ZBTB40: variants seen among roughly 807,000 people sequenced by gnomAD.
The protein encoded by ZBTB40 is zinc finger and BTB domain-containing protein 40.
ZBTB40 carries 60 observed loss-of-function variants against 117.5 expected under a neutral mutation model. The observed-to-expected ratio is 0.51, with a 90% CI of 0.41 to 0.63. The LOEUF (loss-of-function observed/expected upper bound fraction) is 0.63. Ranked by LOEUF, ZBTB40 falls within the 30% of genes least tolerant of loss-of-function variation. ZBTB40 has a pLI of 0.00. For missense variants in ZBTB40, 1,287 were observed against 1,498.5 expected (o/e 0.86, Z 2.33); for synonymous variants, 525 against 577.1 (o/e 0.91, Z 1.29).
At chr1:22,456,379 C>T (rs772619384) in intron 1 of ZBTB40, among the ~76,000 whole-genome samples, 14 of 152,122 alleles carry the variant, frequency 9.2e-5, no homozygotes, top group Non-Finnish European at 1.6e-4. Context: ...ATTTCATTTC[C>T]TTACATAAAT....
intron 3 of ZBTB40, among the ~76,000 whole-genome samples, chr1:22,493,422 G>A (rs1470687092): frequency 6.6e-6 from 1 of 152,014 alleles, no homozygotes; most frequent in Admixed American, 6.5e-5. Context: ...TTTGTACTTC[G>A]GCCTCTACTT....
chr1:22,490,323 G>A lies in ZBTB40; in HGVS notation c.375G>A (p.Val125=), dbSNP rs1278289555. Residue 125 remains valine (V), a synonymous_variant, in exon 2 of 18, where the codon GTG becomes GTA. Transcript: ENST00000375647. ...SLVNCSVQGQ[V]VRDVSAPSSE... ...TAAACTGCTCGGTTCAGGGTCAGGT[G>A]GTAAGGGATGTCTCTGCGCCATCCT... 3.3e-5 allele frequency: 54 copies of A among 1,614,054 alleles called. No individual in the cohort carries two copies. Among genetic ancestry groups the A allele is most frequent in the Non-Finnish European group, 4.3e-5 (51 of 1,180,056 alleles).
intron 1 of ZBTB40, among the ~76,000 whole-genome samples, chr1:22,476,971 A>G (rs1194481925): frequency 6.6e-6 from 1 of 152,210 alleles, no homozygotes; most frequent in Non-Finnish European, 1.5e-5. Flanking sequence ...ATCTAGTGCT[A>G]TATTCTGTCT....
At chr1:22,493,656 T>C (rs1266028524) in intron 3 of ZBTB40, among the ~76,000 whole-genome samples, 12 of 152,188 alleles carry the variant, frequency 7.9e-5, no homozygotes, top group Admixed American at 7.2e-4. Context: ...CACTTACCCA[T>C]GCCCTGGGTA....
intron 3 of ZBTB40, among the ~76,000 whole-genome samples, chr1:22,498,450 C>A (rs1297400864): frequency 6.6e-6 from 1 of 152,214 alleles, no homozygotes; most frequent in Admixed American, 6.5e-5. Flanking sequence ...GTAGTGTTGG[C>A]ACTGGTGTAG....
Position 22,520,919 on chromosome 1 carries a change from G to A in ZBTB40, c.3049-577G>A, listed in dbSNP as rs572339639. On this transcript the variant is annotated intron_variant, in intron 14 of 17. Transcript: ENST00000375647. ...TGTTGTGACATTAGCGTTCCAGAACGGAGACCTGGGCTTGAGCCCTAGGAT... is the reference window on the plus strand; with the variant it reads ...TGTTGTGACATTAGCGTTCCAGAACAGAGACCTGGGCTTGAGCCCTAGGAT... 2.0e-5 allele frequency among the ~76,000 whole-genome samples: 3 copies of A among 152,318 alleles called. No individual in the cohort carries two copies. In the South Asian group the frequency reaches 6.2e-4, roughly 32 times the overall value.
At chr1:22,502,736 T>G (rs1293824334) in intron 5 of ZBTB40, among the ~76,000 whole-genome samples, 1 of 152,154 alleles carries the variant, frequency 6.6e-6, no homozygotes, top group Non-Finnish European at 1.5e-5. Context: ...GACGGACGGA[T>G]GGACCGATGG....
chr1:22,492,544 T>A (rs1293796106), intron 3 of ZBTB40, among the ~76,000 whole-genome samples: 4 of 152,222 alleles, frequency 2.6e-5, no homozygotes, highest in Non-Finnish European at 5.9e-5. Context: ...GCTCCTCTGA[T>A]TGGTAGGGGG....
intron 15 of ZBTB40, 59 bp downstream of exon 15, chr1:22,521,717 G>T: frequency 6.2e-7 from 1 of 1,609,484 alleles, no homozygotes; most frequent in South Asian, 1.1e-5. Flanking sequence ...AGCCTCCTGG[G>T]CCCCACCAGA....
At chr1:22,432,024 T>TAG (rs1459589062) in intron 1 of ZBTB40, among the ~76,000 whole-genome samples, 84 of 152,302 alleles carry the variant, frequency 5.5e-4, no homozygotes, top group African/African-American at 1.9e-3. Flanking sequence ...TATTCTTGCA[T>TAG]AGTTCTGGAG....
At position 22,511,910 on chromosome 1, in the gene ZBTB40, A is replaced by G; in HGVS notation, c.2237A>G (p.His746Arg). The G allele has an allele frequency of 3.7e-6, 6 of 1,614,226 alleles. No homozygotes were observed. The highest frequency in any genetic ancestry group is 2.2e-5 in the East Asian group (1 of 44,878). ...FICKACDKSFHFYCRLKVHMK... is the reference protein window; with the variant it reads ...FICKACDKSFRFYCRLKVHMK... Reference sequence around the variant, plus strand: ...TGTAAGGCCTGCGACAAAAGCTTCCATTTCTACTGCCGCCTAAAGGTGCAC... The same window carrying G: ...TGTAAGGCCTGCGACAAAAGCTTCCGTTTCTACTGCCGCCTAAAGGTGCAC... Residue 746 changes from histidine (H) to arginine (R), a missense_variant, in exon 11 of 18, where the codon CAT (histidine) becomes CGT (arginine). His to Arg is a conservative substitution (Grantham distance 29, BLOSUM62 0). Coordinates refer to ENST00000375647, the MANE Select transcript of ZBTB40 (RefSeq NM_014870.4).
At chr1:22,466,715 G>A (rs1641265069) in intron 1 of ZBTB40, among the ~76,000 whole-genome samples, 1 of 151,188 alleles carries the variant, frequency 6.6e-6, no homozygotes, top group Non-Finnish European at 1.5e-5. Context: ...CAAATCCTTT[G>A]CCCATTTTAA....
intron 6 of ZBTB40, among the ~76,000 whole-genome samples, chr1:22,506,539 T>C (rs572013891): frequency 5.3e-5 from 8 of 152,306 alleles, no homozygotes; most frequent in Admixed American, 2.0e-4. Flanking sequence ...GGAGCAAATG[T>C]GCTCATAAGG....
At chr1:22,483,540 C>T (rs183432807) in intron 1 of ZBTB40, among the ~76,000 whole-genome samples, 72 of 152,200 alleles carry the variant, frequency 4.7e-4, no homozygotes, top group Middle Eastern at 6.8e-3. Flanking sequence ...AAAGACATAC[C>T]ATGTACAACA....
At chr1:22,433,325 C>T (rs141803557) in intron 1 of ZBTB40, among the ~76,000 whole-genome samples, 2,497 of 147,610 alleles carry the variant, frequency 0.017, 60 homozygotes, top group African/African-American at 0.058. Context: ...CCCAGCTACT[C>T]GGGAGGCTGA....
At chr1:22,504,861 C>G (rs969750144) in intron 5 of ZBTB40, among the ~76,000 whole-genome samples, 1 of 152,196 alleles carries the variant, frequency 6.6e-6, no homozygotes, top group African/African-American at 2.4e-5. Context: ...ATCTGGCTGC[C>G]TCTTTGTATA....
At chr1:22,499,545 C>T (rs902509128) in intron 3 of ZBTB40, among the ~76,000 whole-genome samples, 9 of 152,078 alleles carry the variant, frequency 5.9e-5, no homozygotes, top group African/African-American at 1.7e-4. Flanking sequence ...TTTCAACTGA[C>T]GTCTTCATTT....
chr1:22,431,251 CAATATTGTATATATTGAATATATACAA>C (rs1557468530), intron 1 of ZBTB40, among the ~76,000 whole-genome samples: 27 of 145,594 alleles, frequency 1.9e-4, no homozygotes, highest in African/African-American at 6.2e-4. Context: ...TATGCATATA[CAATATTGTATATATTGAATATATACAA>C]TATTGTATAT....
chr1:22,522,223 T>G (rs1639545484), intron 15 of ZBTB40, among the ~76,000 whole-genome samples, 154 bp from the exon 16 acceptor site: 1 of 152,192 alleles, frequency 6.6e-6, no homozygotes, highest in South Asian at 2.1e-4. Context: ...ACCACTAGAT[T>G]GTACAAATAT....
Sources: allele counts gnomAD v4.1 joint callset (sites outside exome capture counted in the v4.1 genomes callset), GRCh38; gene constraint gnomAD v4.1.1; transcripts MANE v1.5; gene names NCBI Gene and HGNC (gene_info 2026-07-23, HGNC 2026-07-21).